The following PI4KA variants were observed in gnomAD, a reference collection of about 807,000 sequenced individuals.
The protein encoded by PI4KA is PI4-kinase alpha.
PI4KA carries 122 observed loss-of-function variants against 271.4 expected under a neutral mutation model. That is an observed-to-expected ratio of 0.45 (90% CI 0.39 to 0.52). PI4KA has a LOEUF of 0.52. Among genes scored for constraint, PI4KA ranks in the 20% least tolerant of loss-of-function variants. The probability of loss-of-function intolerance (pLI) is 0.00; values close to 1 mark genes in which losing one functional copy is unlikely to be tolerated. For missense variants in PI4KA, 1,969 were observed against 2,769.1 expected, an observed-to-expected ratio of 0.71 and a Z score of 6.48; for synonymous variants, 1,041 against 1,078.8, an observed-to-expected ratio of 0.96 and a Z score of 0.69.
rs1233508842 is a variant in PI4KA at position 20,858,651 on chromosome 22, G to A, written c.75C>T (p.Ser25=). The change falls in exon 1 of 55, where the codon AGC becomes AGT. Residue 25 remains serine (S), a synonymous_variant. Transcript: ENST00000255882. ...TGTTGAAATAGAAGCCCCGCGAGGC[G>A]CTGGAGCCGGAGCCGGAGCAGCCGC... The part of the protein sequence containing the change: ...GGGGCSGSGS[S]ASRGFYFNTV... The A allele has an allele frequency of 1.3e-6, 2 of 1,483,464 alleles. No homozygotes were observed. The highest frequency in any genetic ancestry group is 1.8e-6 in the Non-Finnish European group (2 of 1,123,528). 91.9% of individuals were successfully genotyped at this position (1,483,464 alleles called of 1,614,324 possible).
In PI4KA at chr22:20,742,230, G is replaced by T. The variant is rs1929542381; in HGVS notation, c.3739C>A (p.Pro1247Thr). 1 of 1,613,706 alleles carries T rather than the reference G, an allele frequency of 6.2e-7. No individual in the cohort carries two copies. Among genetic ancestry groups the T allele is most frequent in the South Asian group, 1.1e-5 (1 of 91,050 alleles). The change falls in exon 32 of 55, where the codon CCG becomes ACG. Residue 1247 changes from proline to threonine, a missense_variant and splice_region_variant. Around this residue, in one of 13 missense-constraint regions of PI4KA, gnomAD observed 203 missense variants for 256.8 expected, o/e 0.79. Transcript: ENST00000255882. ...LLAGKDGVEV[P>T]FMREMAGAWH... is the part of the protein sequence containing the mutation. ...CCAACCCGAGGTCAGGGTCCTACCG[G>T]CACTTCCACTCCATCCTTGCCAGCC... is the stretch of plus-strand genomic sequence containing the variant.
Position 20,824,343 on chromosome 22 carries a change from G to A in PI4KA, c.439C>T (p.Pro147Ser). 1 of 1,611,426 alleles carries A rather than the reference G, an allele frequency of 6.2e-7. No homozygotes were observed. The highest frequency in any genetic ancestry group is 1.1e-5 in the South Asian group (1 of 91,004). ...ATGCTTACCTCATCCCTAAGTGAAGGATCCCTATAGGCCACATCAGACAGC... is the reference window on the plus strand; with the variant it reads ...ATGCTTACCTCATCCCTAAGTGAAGAATCCCTATAGGCCACATCAGACAGC... ...TLLSDVAYRD[P>S]SLRDEILEVL... Residue 147 changes from proline (P) to serine (S), a missense_variant, in exon 4 of 55, where the codon CCT becomes TCT. Around this residue, in one of 13 missense-constraint regions of PI4KA, gnomAD observed 540 missense variants for 555.5 expected, o/e 0.97. Transcript: ENST00000255882.
Position 20,747,702 on chromosome 22 carries a change from C to T in PI4KA, c.3244G>A (p.Glu1082Lys). 1 of 1,612,174 alleles carries T rather than the reference C, an allele frequency of 6.2e-7. No homozygotes were observed. The highest frequency in any genetic ancestry group is 8.5e-7 in the Non-Finnish European group (1 of 1,178,622). The change falls in exon 29 of 55, where the codon GAA becomes AAA. Residue 1082 changes from glutamate to lysine, a missense_variant and splice_region_variant. Glu to Lys is a moderately conservative substitution (Grantham distance 56). Coordinates refer to ENST00000255882, the MANE Select transcript of PI4KA (RefSeq NM_058004.4). ...APTVTKSHLQ[E>K]YLNKHQNWVS... ...CAGTTCTGATGTTTGTTCAGATATT[C>T]CTGAAATAGGAAAAACACATGGGGT...
rs1928331715 is a variant in PI4KA, at chr22:20,733,613, T to G, written c.4160+123A>C. 4 of 1,498,830 alleles carry G rather than the reference T, an allele frequency of 2.7e-6. No individual in the cohort carries two copies. In the South Asian group the frequency reaches 5.1e-5, roughly 19 times the overall value. 92.8% of individuals were successfully genotyped at this position (1,498,830 alleles called of 1,614,324 possible). A position where few individuals can be genotyped will look rare whatever the true frequency, so the allele number is the denominator to read the frequency against. On this transcript the variant is annotated intron_variant, in intron 35 of 54. Coordinates refer to ENST00000255882, the MANE Select transcript of PI4KA (RefSeq NM_058004.4). ...GGGCCAGGGATACTGAAGGAGGAGG[T>G]TGGTGAGCACAACTGGGCAACTGTG... is the stretch of plus-strand genomic sequence containing the variant.
chr22:20,819,332 G>A (rs1922280425), intron 6 of PI4KA, among the ~76,000 whole-genome samples: 1 of 150,154 alleles, frequency 6.7e-6, no homozygotes, highest in African/African-American at 2.4e-5. Flanking sequence ...CAGTGTTTAT[G>A]GATAAGAGAG....
At chr22:20,758,269 G>A (rs1845804261) in intron 23 of PI4KA, among the ~76,000 whole-genome samples, 1 of 150,678 alleles carries the variant, frequency 6.6e-6, no homozygotes, top group African/African-American at 2.4e-5. Context: ...GGAGGCTGAG[G>A]CAGGAGAATG....
chr22:20,780,199 A>G (rs1208081596), intron 19 of PI4KA: 3 of 1,614,220 alleles, frequency 1.9e-6, no homozygotes, highest in Non-Finnish European at 2.5e-6. Context: ...ATCTACTTCA[A>G]AGGTAAGAGG....
intron 19 of PI4KA, among the ~76,000 whole-genome samples, chr22:20,788,771 C>T (rs1458454498): frequency 1.3e-5 from 2 of 152,210 alleles, no homozygotes; most frequent in East Asian, 3.8e-4. Flanking sequence ...CAAACTGCTT[C>T]ACCACTCTTC....
rs1221072083 is a variant in PI4KA, at chr22:20,733,143, G to A, written c.4161-45C>T. On this transcript the variant is annotated intron_variant, in intron 35 of 54. Coordinates refer to ENST00000255882, the MANE Select transcript of PI4KA (RefSeq NM_058004.4). ...GACAAGGGCTGAGTGTCTGGAGTCA[G>A]GGACTAGAGGCCAGTCACACAAAGC... The A allele has an allele frequency of 3.7e-6, 6 of 1,609,256 alleles. No homozygotes were observed. In the South Asian group the frequency reaches 4.4e-5, roughly 12 times the overall value.
At chr22:20,857,971 C>T (rs1438996509) in intron 1 of PI4KA, among the ~76,000 whole-genome samples, 1 of 152,218 alleles carries the variant, frequency 6.6e-6, no homozygotes, top group Admixed American at 6.5e-5. Flanking sequence ...CTGCCACTGT[C>T]CCTTCTGCAA....
At chr22:20,821,511 C>T (rs550758286) in intron 4 of PI4KA, among the ~76,000 whole-genome samples, 12 of 152,140 alleles carry the variant, frequency 7.9e-5, no homozygotes, top group Admixed American at 6.5e-5. Flanking sequence ...TGAGCCACTG[C>T]GCCCAGTCCA....
In PI4KA at chr22:20,834,294, G is replaced by A. The variant is rs993252093; in HGVS notation, c.367+268C>T. On this transcript the variant is annotated intron_variant, in intron 3 of 54. Coordinates refer to ENST00000255882, the MANE Select transcript of PI4KA (RefSeq NM_058004.4). ...TCTGGCCAATGAGACATGAGAAAAG[G>A]TTCTTGAAGGTCTCAACGTTCTTGC... Among the ~76,000 whole-genome samples the A allele has an allele frequency of 2.0e-5, 3 of 152,156 alleles. No homozygotes were observed. The South Asian group carries it at 6.2e-4, about 31-fold the overall frequency.
Position 20,714,489 on chromosome 22 carries a change from C to G in PI4KA, c.5430G>C (p.Lys1810Asn). 3 of 1,613,480 alleles carry G rather than the reference C, an allele frequency of 1.9e-6. No individual in the cohort carries two copies. The South Asian group carries it at 3.3e-5, about 18-fold the overall frequency. Reference sequence around the variant, plus strand: ...TTTCAAGTTCACTAACTCCACATCGCTTCACCTTGAACTTGGCCAGATATG... The same window carrying G: ...TTTCAAGTTCACTAACTCCACATCGGTTCACCTTGAACTTGGCCAGATATG... The part of the protein sequence containing the change: ...KAPYLAKFKV[K>N]RCGVSELEKE... Residue 1810 changes from lysine (K) to asparagine (N), a missense_variant, in exon 47 of 55, where the codon AAG becomes AAC. By Grantham distance (94) the Lys-to-Asn change is moderately conservative. Around this residue, in one of 13 missense-constraint regions of PI4KA, gnomAD observed 388 missense variants for 521.5 expected, o/e 0.74. Transcript: ENST00000255882.
chr22:20,771,160 C>T (rs998695285), intron 19 of PI4KA, among the ~76,000 whole-genome samples: 27 of 151,844 alleles, frequency 1.8e-4, no homozygotes, highest in Admixed American at 1.8e-3. Flanking sequence ...TGTGGTGGCT[C>T]ACGCCTGTAA....
chr22:20,724,905 T>A (rs977711474), intron 42 of PI4KA, among the ~76,000 whole-genome samples: 21 of 152,232 alleles, frequency 1.4e-4, no homozygotes, highest in Non-Finnish European at 2.2e-4. Flanking sequence ...GAAGAGAAGG[T>A]GCCTCATGAC....
Position 20,779,749 on chromosome 22 carries a change from A to T in PI4KA, c.2328+13444T>A, listed in dbSNP as rs202123183. On this transcript the variant is annotated intron_variant, in intron 19 of 54. Coordinates refer to ENST00000255882, the MANE Select transcript of PI4KA (RefSeq NM_058004.4). The stretch of plus-strand genomic sequence containing the variant: ...TACCGAGTGCTGAAAGACCAGGTCA[A>T]CACTTTCGATAACATCTTCATAGCA... 1.8e-4 allele frequency: 288 copies of T among 1,614,240 alleles called. 2 individuals are homozygous for T. The Middle Eastern group carries it at 1.8e-3, about 10-fold the overall frequency.
At chr22:20,727,520 G>A (rs769955160) in intron 40 of PI4KA, 123 bp from the exon 41 acceptor site, 52 of 933,196 alleles carry the variant, frequency 5.6e-5, no homozygotes, top group Non-Finnish European at 7.7e-5. Flanking sequence ...GTAACCATGG[G>A]GAAGATGCTT....
At chr22:20,772,916 C>A (rs1272737038) in intron 19 of PI4KA, among the ~76,000 whole-genome samples, 2 of 152,122 alleles carry the variant, frequency 1.3e-5, no homozygotes, top group Non-Finnish European at 2.9e-5. Flanking sequence ...ATAGTGAGAC[C>A]CTGTCTCTAC....
At chr22:20,759,582 T>A (rs977955580) in intron 23 of PI4KA, among the ~76,000 whole-genome samples, 7 of 151,754 alleles carry the variant, frequency 4.6e-5, no homozygotes. Context: ...TTATTTATTT[T>A]TGAGACAGAG....
Sources: allele counts gnomAD v4.1 joint callset (sites outside exome capture counted in the v4.1 genomes callset), GRCh38; gene constraint gnomAD v4.1.1; regional missense constraint gnomAD v4.1.1; transcripts MANE v1.5; gene names NCBI Gene and HGNC (gene_info 2026-07-23, HGNC 2026-07-21).